The following PIGZ variants were observed in gnomAD, a reference collection of about 807,000 sequenced individuals.
PIGZ encodes the protein GPI alpha-1,2-mannosyltransferase 4.
Under a neutral mutation model 16.4 loss-of-function variants are expected in PIGZ, and 16 were observed. The observed-to-expected ratio is 0.97, with a 90% CI of 0.66 to 1.48. PIGZ has a LOEUF of 1.48. Ranked by LOEUF, PIGZ falls within the 40% of genes most tolerant of loss-of-function variation. The pLI, the probability that PIGZ is intolerant of heterozygous loss-of-function variation, is 0.00. For synonymous variants in PIGZ, 409 were observed against 338.4 expected (o/e 1.21, Z -2.29); for missense variants, 770 against 739.2 (o/e 1.04, Z -0.48).
In PIGZ at chr3:196,965,183, C is replaced by A. The variant is rs1007799601; in HGVS notation, c.-1+3504G>T. Among the ~76,000 whole-genome samples the A allele has an allele frequency of 2.0e-5, 3 of 152,322 alleles. No individual in the cohort carries two copies. The highest frequency in any genetic ancestry group is 3.9e-4 in the East Asian group (2 of 5,192). The stretch of plus-strand genomic sequence containing the variant: ...CTATAAAGAACTGCCCAAGACTGGG[C>A]AATTTCTAAATAAAAGAGGTTTCAT... On this transcript the variant is annotated intron_variant, in intron 1 of 2. Coordinates refer to ENST00000412723, the MANE Select transcript of PIGZ (RefSeq NM_025163.4). The surrounding 1 kb of genome is among the most constrained non-coding windows in gnomAD (Gnocchi z 4.2).
rs1005832008 is a variant in PIGZ, at chr3:196,948,790, C to T, written c.212-105G>A. 18 of 818,746 alleles carry T rather than the reference C, an allele frequency of 2.2e-5. No individual in the cohort carries two copies. The South Asian group carries it at 2.8e-4, about 13-fold the overall frequency. The allele number at this position is 818,746 out of a possible 1,614,324, so 50.7% of individuals were successfully genotyped here. A position where few individuals can be genotyped will look rare whatever the true frequency, so the allele number is the denominator to read the frequency against. On this transcript the variant is annotated intron_variant, in intron 2 of 2. Transcript: ENST00000412723. The stretch of plus-strand genomic sequence containing the variant: ...CCCACCCCTTGGTGTGTGTGCCCTG[C>T]GTAATCCCTGGGACTGTGCACGGGC...
intron 1 of PIGZ, among the ~76,000 whole-genome samples, chr3:196,963,634 G>A (rs1717807275): frequency 6.6e-6 from 1 of 152,244 alleles, no homozygotes; most frequent in Non-Finnish European, 1.5e-5. Context: ...TCACTGGCAA[G>A]GGAAATGAGA....
At chr3:196,960,759 G>GAAAGAAAGAAAGAAAGA (rs1170595097) in intron 1 of PIGZ, among the ~76,000 whole-genome samples, 2 of 151,142 alleles carry the variant, frequency 1.3e-5, no homozygotes, top group African/African-American at 2.4e-5. Context: ...AAGAAAGAAA[G>GAAAGAAAGAAAGAAAGA]AAAGAAAAGA....
intron 1 of PIGZ, 61 bp from the exon 2 acceptor site, chr3:196,952,092 A>T (rs1717311575): frequency 7.0e-7 from 1 of 1,424,982 alleles, no homozygotes; most frequent in African/African-American, 1.4e-5. Context: ...CAACTGTCTG[A>T]ACAAACTGAA....
chr3:196,948,468 G>T lies in PIGZ; in HGVS notation c.429C>A (p.Ala143=), dbSNP rs146754846. The change falls in exon 3 of 3, where the codon GCC becomes GCA. Residue 143 remains alanine, a synonymous_variant. Coordinates refer to ENST00000412723, the MANE Select transcript of PIGZ (RefSeq NM_025163.4). ...CCATCGGCGGGGCCAGGTGGTACAC[G>T]GCCCCGTCCAGAGCAAAGGAAAGGG... ...LTALSFALDG[A]VYHLAPPMGA... is the part of the protein sequence containing the mutation. The T allele has an allele frequency of 6.2e-7, 1 of 1,613,824 alleles. No homozygotes were observed. Among genetic ancestry groups the T allele is most frequent in the African/African-American group, 1.3e-5 (1 of 75,042 alleles).
chr3:196,955,023 T>A (rs972388521), intron 1 of PIGZ, among the ~76,000 whole-genome samples: 2 of 152,078 alleles, frequency 1.3e-5, no homozygotes, highest in African/African-American at 4.8e-5. Context: ...CCTCCTGGGA[T>A]CAAGCGATCC....
At position 196,948,621 on chromosome 3, in the gene PIGZ, C is replaced by A; in HGVS notation, c.276G>T (p.Ser92=). 1 of 1,520,074 alleles carries A rather than the reference C, an allele frequency of 6.6e-7. No homozygotes were observed. The allele number at this position is 1,520,074 out of a possible 1,614,324, so 94.2% of individuals were successfully genotyped here. A position where few individuals can be genotyped will look rare whatever the true frequency, so the allele number is the denominator to read the frequency against. The change falls in exon 3 of 3, where the codon TCG becomes TCT. Residue 92 remains serine (S), a synonymous_variant. Coordinates refer to ENST00000412723, the MANE Select transcript of PIGZ (RefSeq NM_025163.4). ...CAGAGATCAGCAGGGGGAAGAGCAC[C>A]GAGCGGCAGGAGCTGCTGGGGTAAA... ...WEFYPSSSCR[S]VLFPLLISGS...
chr3:196,950,828 TCCA>T (rs1717250831), intron 2 of PIGZ, among the ~76,000 whole-genome samples: 1 of 148,660 alleles, frequency 6.7e-6, no homozygotes, highest in African/African-American at 2.5e-5. Context: ...CACTACAACC[TCCA>T]CCTCCTGGGT....
At chr3:196,960,763 G>GAAAGAAAGAAAGAAAGAAAGAA (rs766748842) in intron 1 of PIGZ, among the ~76,000 whole-genome samples, 30 of 146,792 alleles carry the variant, frequency 2.0e-4, no homozygotes, top group Admixed American at 3.4e-4. Context: ...AAGAAAGAAA[G>GAAAGAAAGAAAGAAAGAAAGAA]AAAAGAAAAC....
In PIGZ at chr3:196,948,259, C is replaced by T; in HGVS notation, c.638G>A (p.Ser213Asn). ...AGCCACAATGCCTCCAAGAAGCCAG[C>T]TGCGCCACCGTGGACCCGGCGCCGG... ...KEPAPGPRWR[S>N]WLLGGIVAAG... Residue 213 changes from serine to asparagine, a missense_variant, in exon 3 of 3, where the codon AGC becomes AAC. Transcript: ENST00000412723. 6.2e-7 allele frequency: 1 copy of T among 1,614,154 alleles called. No individual in the cohort carries two copies. Among genetic ancestry groups the T allele is most frequent in the Non-Finnish European group, 8.5e-7 (1 of 1,180,010 alleles).
At chr3:196,957,956 G>A (rs888699315) in intron 1 of PIGZ, among the ~76,000 whole-genome samples, 12 of 152,282 alleles carry the variant, frequency 7.9e-5, no homozygotes, top group African/African-American at 2.6e-4. Context: ...CTGTCAAATG[G>A]CATGCAATAT....
chr3:196,948,608 G>T lies in PIGZ; in HGVS notation c.289C>A (p.Leu97Met), dbSNP rs1717054227. 1 of 1,556,102 alleles carries T rather than the reference G, an allele frequency of 6.4e-7. No individual in the cohort carries two copies. ...CAGAAGGTGGAACCAGAGATCAGCA[G>T]GGGGAAGAGCACCGAGCGGCAGGAG... ...SSSCRSVLFP[L>M]LISGSTFWLL... is the part of the protein sequence containing the mutation. Residue 97 changes from leucine to methionine, a missense_variant, in exon 3 of 3, where the codon CTG becomes ATG. Physicochemically the swap from Leu to Met is conservative, Grantham distance 15 (BLOSUM62 2). Transcript: ENST00000412723.
At chr3:196,959,089 G>A (rs1445422471) in intron 1 of PIGZ, among the ~76,000 whole-genome samples, 2 of 152,220 alleles carry the variant, frequency 1.3e-5, no homozygotes, top group Non-Finnish European at 2.9e-5. Context: ...CTCAGCGTAT[G>A]GGAAGGTGGG....
intron 1 of PIGZ, among the ~76,000 whole-genome samples, chr3:196,964,338 C>T (rs1351173403): frequency 2.0e-5 from 3 of 152,066 alleles, no homozygotes; most frequent in Non-Finnish European, 4.4e-5. Flanking sequence ...CATGAGCCAC[C>T]GTGCCCGGCC....
Position 196,948,377 on chromosome 3 carries a change from T to C in PIGZ, c.520A>G (p.Arg174Gly). 6.2e-7 allele frequency: 1 copy of C among 1,614,130 alleles called. No individual in the cohort carries two copies. The highest frequency in any genetic ancestry group is 2.2e-5 in the East Asian group (1 of 44,866). The change falls in exon 3 of 3, where the codon AGG becomes GGG. Residue 174 changes from arginine (R) to glycine (G), a missense_variant. Arg to Gly is a moderately radical substitution (Grantham distance 125, BLOSUM62 -2). Transcript: ENST00000412723. ...GSYVTLVFYT[R>G]TFSNTIEGLL... ...CCCTCAATGGTGTTGGAGAAGGTCC[T>C]TGTGTAGAAGACCAGGGTGACGTAG...
At chr3:196,963,275 A>G (rs541328442) in intron 1 of PIGZ, among the ~76,000 whole-genome samples, 32 of 152,282 alleles carry the variant, frequency 2.1e-4, no homozygotes, top group Non-Finnish European at 3.7e-4. Context: ...TTTGTGTACA[A>G]GTTTATTCGT....
chr3:196,947,159 A>T lies in PIGZ; in HGVS notation c.1738T>A (p.Ter580ArgextTer49). The change falls in exon 3 of 3, where the codon TGA becomes AGA. Residue 580 changes from the stop codon to arginine (R), a stop_lost. Transcript: ENST00000412723. ...LHIVELGEET[*>R] is the part of the protein sequence containing the mutation. ...GCAGTGGGTGCTCTGTCATATTGTCAGGTTTCTTCCCCCAGCTCCACAATG... is the reference window on the plus strand; with the variant it reads ...GCAGTGGGTGCTCTGTCATATTGTCTGGTTTCTTCCCCCAGCTCCACAATG... 6.5e-7 allele frequency: 1 copy of T among 1,544,746 alleles called. No individual in the cohort carries two copies. The highest frequency in any genetic ancestry group is 8.7e-7 in the Non-Finnish European group (1 of 1,144,398).
rs1717138101 is a variant in PIGZ, at chr3:196,949,014, CCCCTCCCTTCCCTT to C, written c.212-343_212-330del. 9.1e-5 allele frequency among the ~76,000 whole-genome samples: 5 copies of C among 55,014 alleles called. 1 individual carries two copies. The highest frequency in any genetic ancestry group is 7.3e-4 in the African/African-American group (4 of 5,490). The allele number at this position is 55,014 out of a possible 152,430, so 36.1% of individuals were successfully genotyped here. A position where few individuals can be genotyped will look rare whatever the true frequency, so the allele number is the denominator to read the frequency against. On this transcript the variant is annotated intron_variant, in intron 2 of 2. Transcript: ENST00000412723. ...TCCTTCCCTTTACTTCTCTTTCCCT[CCCCTCCCTTCCCTT>C]CCTTCCCTTCCTTCCTTCCCTTCCC...
chr3:196,963,024 C>T (rs1224771835), intron 1 of PIGZ, among the ~76,000 whole-genome samples: 2 of 152,238 alleles, frequency 1.3e-5, no homozygotes. Context: ...GAAATACCCA[C>T]AGGTGTGGAG....
Sources: gnomAD v4.1 joint callset for allele counts (sites outside exome capture counted in the v4.1 genomes callset) on GRCh38, gnomAD v4.1.1 for gene constraint, Gnocchi (gnomAD v3.1) non-coding constraint, MANE v1.5 for transcripts, NCBI Gene and HGNC (gene_info 2026-07-23, HGNC 2026-07-21) for gene names.